The following PDE8B variants were observed in gnomAD, a reference collection of about 807,000 sequenced individuals.
PDE8B encodes phosphodiesterase 8B.
Under a neutral mutation model 101.3 loss-of-function variants are expected in PDE8B, and 26 were observed. The observed-to-expected ratio is 0.26, with a 90% CI of 0.19 to 0.36. PDE8B has a LOEUF of 0.36. Among genes scored for constraint, PDE8B ranks in the 10% least tolerant of loss-of-function variants. The pLI is 1.00. For synonymous variants in PDE8B, 424 were observed against 429.3 expected (o/e 0.99, Z 0.15); for missense variants, 810 against 1,163.1 (o/e 0.70, Z 4.42).
rs767320799 is a variant in PDE8B at position 77,412,098 on chromosome 5, A to G, written c.1577-2A>G. The G allele has an allele frequency of 6.2e-7, 1 of 1,614,088 alleles. No homozygotes were observed. The highest frequency in any genetic ancestry group is 1.1e-5 in the South Asian group (1 of 91,078). ...CCTCCCCCATCCCATCTGTTTGCTC[A>G]GATGTGCACCAGAGTCACAGTCACC... On this transcript the variant is annotated splice_acceptor_variant, in intron 15 of 21. Coordinates refer to ENST00000264917, the MANE Select transcript of PDE8B (RefSeq NM_003719.5). LOFTEE classifies it high-confidence loss of function.
the PDE8B span, among the ~76,000 whole-genome samples, chr5:77,182,588 G>A: frequency 6.6e-6 from 1 of 152,090 alleles, no homozygotes; most frequent in African/African-American, 2.4e-5. Context: ...CATGGAGGCC[G>A]CTTACATCAT....
At chr5:77,221,111 C>T (rs1050041937) in intron 1 of PDE8B, among the ~76,000 whole-genome samples, 1 of 152,150 alleles carries the variant, frequency 6.6e-6, no homozygotes, top group African/African-American at 2.4e-5. Flanking sequence ...AATCATAAAA[C>T]CATTATATAC....
At position 77,418,324 on chromosome 5, in the gene PDE8B, T is replaced by C; in HGVS notation, c.2007T>C (p.Asn669=). 1 of 1,613,744 alleles carries C rather than the reference T, an allele frequency of 6.2e-7. No homozygotes were observed. Among genetic ancestry groups the C allele is most frequent in the Non-Finnish European group, 8.5e-7 (1 of 1,179,630 alleles). ...GAAGGACCAACTCTTTCCTCTGCAA[T>C]GCAGGCAGTGAGCTTGCTGTGCTCT... ...HPGRTNSFLC[N]AGSELAVLYN... The change falls in exon 18 of 22, where the codon AAT becomes AAC. Residue 669 remains asparagine, a synonymous_variant. Coordinates refer to ENST00000264917, the MANE Select transcript of PDE8B (RefSeq NM_003719.5).
At chr5:77,279,748 A>G (rs1205427077) in intron 1 of PDE8B, among the ~76,000 whole-genome samples, 1 of 152,178 alleles carries the variant, frequency 6.6e-6, no homozygotes, top group Non-Finnish European at 1.5e-5. Context: ...TTACTTCCAA[A>G]GTCTGCACTT....
At chr5:77,135,553 T>G in the PDE8B span, among the ~76,000 whole-genome samples, 1 of 151,254 alleles carries the variant, frequency 6.6e-6, no homozygotes, top group Non-Finnish European at 1.5e-5. Flanking sequence ...CTCGGCTCAT[T>G]GCAGCCTCCG....
chr5:77,173,037 T>G, the PDE8B span, among the ~76,000 whole-genome samples: 14 of 152,298 alleles, frequency 9.2e-5, no homozygotes, highest in South Asian at 2.9e-3. Flanking sequence ...AATCAGTGAA[T>G]GCATGTAGAG....
intron 1 of PDE8B, among the ~76,000 whole-genome samples, chr5:77,235,929 T>C (rs1754588708): frequency 6.6e-6 from 1 of 152,172 alleles, no homozygotes; most frequent in Non-Finnish European, 1.5e-5. Flanking sequence ...ATTATCCCCA[T>C]TTAAAAGATG....
the PDE8B span, among the ~76,000 whole-genome samples, chr5:77,184,656 C>G: frequency 6.6e-6 from 1 of 152,044 alleles, no homozygotes; most frequent in Non-Finnish European, 1.5e-5. Context: ...GCTGCAGCCA[C>G]AAATCAACCC....
intron 5 of PDE8B, 111 bp downstream of exon 5, chr5:77,331,570 C>T: frequency 1.1e-6 from 1 of 879,204 alleles, no homozygotes; most frequent in Non-Finnish European, 1.9e-6. Context: ...AATTAAGCCC[C>T]AGGACTGTTG....
At chr5:77,138,992 A>G in the PDE8B span, among the ~76,000 whole-genome samples, 10 of 152,226 alleles carry the variant, frequency 6.6e-5, no homozygotes, top group Non-Finnish European at 1.5e-4. Context: ...GCTTGCAACA[A>G]TGGCAAAGAA....
At chr5:77,103,053 C>A in the PDE8B span, among the ~76,000 whole-genome samples, 1 of 152,204 alleles carries the variant, frequency 6.6e-6, no homozygotes, top group African/African-American at 2.4e-5. Context: ...AGCCATGGCC[C>A]CACCGCCATC....
the PDE8B span, among the ~76,000 whole-genome samples, chr5:77,109,938 T>TTG: frequency 2.0e-3 from 228 of 114,900 alleles, 6 homozygotes; most frequent in Middle Eastern, 8.7e-3. Flanking sequence ...TTTTTTTTTT[T>TTG]TTTTTTTTTT....
chr5:77,381,586 A>G (rs568943439), intron 10 of PDE8B, among the ~76,000 whole-genome samples: 4 of 152,108 alleles, frequency 2.6e-5, no homozygotes, highest in Non-Finnish European at 4.4e-5. Flanking sequence ...TTAGTTGCTA[A>G]AAAGTCTCAT....
At chr5:77,276,521 T>C (rs769397125) in intron 1 of PDE8B, among the ~76,000 whole-genome samples, 4 of 152,240 alleles carry the variant, frequency 2.6e-5, no homozygotes, top group Non-Finnish European at 4.4e-5. Context: ...GAGTCTTCAA[T>C]AAATACCTGG....
At chr5:77,375,823 A>G (rs1785967136) in intron 10 of PDE8B, among the ~76,000 whole-genome samples, 1 of 151,822 alleles carries the variant, frequency 6.6e-6, no homozygotes, top group South Asian at 2.1e-4. Context: ...ATGCTGCTTA[A>G]TTCATCCATT....
chr5:77,356,719 C>T (rs889344356), intron 10 of PDE8B, among the ~76,000 whole-genome samples: 1 of 152,192 alleles, frequency 6.6e-6, no homozygotes, highest in Non-Finnish European at 1.5e-5. Flanking sequence ...TGTGAGCCAA[C>T]ACACCCAGCC....
At chr5:77,363,427 T>C (rs1783502715) in intron 10 of PDE8B, among the ~76,000 whole-genome samples, 1 of 151,924 alleles carries the variant, frequency 6.6e-6, no homozygotes, top group Non-Finnish European at 1.5e-5. Context: ...GAATATGTCA[T>C]TGTAGGCCTG....
intron 10 of PDE8B, among the ~76,000 whole-genome samples, chr5:77,372,029 G>A (rs1227204581): frequency 1.2e-4 from 18 of 152,014 alleles, no homozygotes; most frequent in Non-Finnish European, 2.4e-4. Context: ...GCAAAACCCC[G>A]TCTCTACTAA....
intron 4 of PDE8B, 146 bp from the exon 5 acceptor site, chr5:77,331,256 G>T: frequency 1.3e-6 from 1 of 766,488 alleles, no homozygotes; most frequent in Non-Finnish European, 2.4e-6. Flanking sequence ...TATCCTTGAA[G>T]GCAGGTGTGC....
Sources: gnomAD v4.1 joint callset for allele counts (sites outside exome capture counted in the v4.1 genomes callset) on GRCh38, gnomAD v4.1.1 for gene constraint, MANE v1.5 for transcripts, NCBI Gene and HGNC (gene_info 2026-07-23, HGNC 2026-07-21) for gene names.